The following HIVEP3 variants were observed in gnomAD, a reference collection of about 807,000 sequenced individuals.
HIVEP3 encodes the protein HIVEP zinc finger 3, also known as transcription factor HIVEP3.
In HIVEP3, 49 loss-of-function variants were observed where a neutral mutation model predicts 152.8. The ratio of observed to expected loss-of-function variants is 0.32; its 90% CI spans 0.26 to 0.41. The LOEUF (loss-of-function observed/expected upper bound fraction) is 0.41, where lower values mean the gene tolerates loss of function less well. HIVEP3 is among the 10% of genes least tolerant of loss of function. HIVEP3 has a pLI of 1.00. For synonymous variants in HIVEP3, 1,269 were observed against 1,289.0 expected, an observed-to-expected ratio of 0.98 and a Z score of 0.33; for missense variants, 2,790 against 3,103.3, an observed-to-expected ratio of 0.90 and a Z score of 2.40.
At chr1:41,521,857 A>G (rs190062643) in intron 6 of HIVEP3, among the ~76,000 whole-genome samples, 29 of 152,254 alleles carry the variant, frequency 1.9e-4, no homozygotes, top group Non-Finnish European at 2.6e-4. Flanking sequence ...GATCGGTGCA[A>G]GGGCCTGGAC....
chr1:41,930,221 T>TA (rs1342996502), intron 1 of HIVEP3, among the ~76,000 whole-genome samples: 1 of 152,178 alleles, frequency 6.6e-6, no homozygotes, highest in Non-Finnish European at 1.5e-5. Context: ...GACAAATACA[T>TA]AGAGTTTTGT....
intron 2 of HIVEP3, among the ~76,000 whole-genome samples, chr1:41,685,526 C>G (rs1430517441): frequency 6.6e-6 from 1 of 152,202 alleles, no homozygotes; most frequent in African/African-American, 2.4e-5. Context: ...GCCACATGGG[C>G]TCCTGGGAGC....
rs1259771450 is a variant in HIVEP3 at position 41,513,722 on chromosome 1, C to T, written c.5499G>A (p.Ser1833=). Residue 1833 remains serine, a synonymous_variant, in exon 8 of 9, where the codon TCG becomes TCA. Transcript: ENST00000372583. ...CAGCCTCTGAACCCTCTCGTCCTTC[C>T]GAGTCCTGGAACAGGTCGTCACTGG... ...EGTSDDLFQD[S]EGREGSEAVE... 4 of 1,588,068 alleles carry T rather than the reference C, an allele frequency of 2.5e-6. No individual in the cohort carries two copies. Among genetic ancestry groups the T allele is most frequent in the East Asian group, 4.5e-5 (2 of 44,712 alleles).
intron 1 of HIVEP3, among the ~76,000 whole-genome samples, chr1:41,830,858 G>A (rs1642944053): frequency 6.6e-6 from 1 of 152,164 alleles, no homozygotes; most frequent in Non-Finnish European, 1.5e-5. Flanking sequence ...GCTGGGAGGT[G>A]GGAGTATGTT....
chr1:41,652,057 G>C (rs1443340061), intron 2 of HIVEP3, among the ~76,000 whole-genome samples: 1 of 152,160 alleles, frequency 6.6e-6, no homozygotes, highest in Non-Finnish European at 1.5e-5. Flanking sequence ...TCACAGCATT[G>C]ACTCAAAGCC....
chr1:41,564,257 C>T lies in HIVEP3; in HGVS notation c.5207+11287G>A, dbSNP rs550796913. On this transcript the variant is annotated intron_variant, in intron 5 of 8. Coordinates refer to ENST00000372583, the MANE Select transcript of HIVEP3 (RefSeq NM_024503.5). ...ATGGATGGAGACAAAAATGGAGGGA[C>T]GTACTCAGAGAATCCAGCAAAAAGG... is the stretch of plus-strand genomic sequence containing the variant. Among the ~76,000 whole-genome samples, 9 of 152,056 alleles carry T rather than the reference C, an allele frequency of 5.9e-5. 1 individual carries two copies. Among genetic ancestry groups the T allele is most frequent in the Admixed American group, 1.3e-4 (2 of 15,260 alleles).
At chr1:41,769,008 C>T (rs779933228) in intron 1 of HIVEP3, among the ~76,000 whole-genome samples, 5 of 152,222 alleles carry the variant, frequency 3.3e-5, no homozygotes, top group African/African-American at 7.2e-5. Context: ...TCTCATGTCC[C>T]TTGTGCTGCA....
chr1:41,529,983 T>C (rs924464157), intron 5 of HIVEP3, among the ~76,000 whole-genome samples: 4 of 109,654 alleles, frequency 3.6e-5, no homozygotes, highest in Non-Finnish European at 7.1e-5. Flanking sequence ...CTCACACCCA[T>C]GCACACACAC....
intron 1 of HIVEP3, among the ~76,000 whole-genome samples, chr1:41,876,488 G>T (rs1030138581): frequency 2.0e-5 from 3 of 152,126 alleles, no homozygotes; most frequent in African/African-American, 7.2e-5. Context: ...AGAATTAAGT[G>T]AATTAATACT....
At chr1:41,681,809 G>T (rs183296679) in intron 2 of HIVEP3, among the ~76,000 whole-genome samples, 2 of 152,280 alleles carry the variant, frequency 1.3e-5, no homozygotes, top group South Asian at 4.1e-4. Flanking sequence ...TTGTGACTAT[G>T]TCCCCTCCTC....
intron 3 of HIVEP3, among the ~76,000 whole-genome samples, chr1:41,607,582 A>G (rs986671981): frequency 6.6e-6 from 1 of 152,122 alleles, no homozygotes; most frequent in Non-Finnish European, 1.5e-5. Flanking sequence ...TTCCTTTGAA[A>G]TAAGCTCTTC....
chr1:41,763,137 A>G (rs1262433523), intron 1 of HIVEP3, among the ~76,000 whole-genome samples: 1 of 152,212 alleles, frequency 6.6e-6, no homozygotes, highest in African/African-American at 2.4e-5. Flanking sequence ...TGCCCATCAA[A>G]TAACAAAGGG....
intron 1 of HIVEP3, among the ~76,000 whole-genome samples, chr1:41,827,863 G>C (rs1226853272): frequency 1.3e-5 from 2 of 151,962 alleles, no homozygotes; most frequent in African/African-American, 2.4e-5. Flanking sequence ...GCAGGGCTTG[G>C]GGGGCATGGG....
At chr1:41,801,594 A>C (rs925467594) in intron 1 of HIVEP3, among the ~76,000 whole-genome samples, 1 of 151,978 alleles carries the variant, frequency 6.6e-6, no homozygotes, top group African/African-American at 2.4e-5. Context: ...GCCCCTAGGG[A>C]ATCAGCTGGG....
chr1:41,832,117 T>C (rs1341763301), intron 1 of HIVEP3, among the ~76,000 whole-genome samples: 2 of 152,220 alleles, frequency 1.3e-5, no homozygotes, highest in Admixed American at 6.5e-5. Flanking sequence ...GTGATGTTGA[T>C]GCTTCTAGCC....
chr1:41,652,698 C>G (rs1046036277), intron 2 of HIVEP3, among the ~76,000 whole-genome samples: 3 of 152,210 alleles, frequency 2.0e-5, no homozygotes, highest in African/African-American at 7.2e-5. Context: ...ACTGACCAGG[C>G]ACACTGACCA....
intron 5 of HIVEP3, among the ~76,000 whole-genome samples, chr1:41,539,501 T>A (rs1174286407): frequency 6.6e-6 from 1 of 152,238 alleles, no homozygotes; most frequent in African/African-American, 2.4e-5. Flanking sequence ...GGGCTGGACC[T>A]AGCCCAGGCC....
intron 1 of HIVEP3, among the ~76,000 whole-genome samples, chr1:41,806,734 C>T (rs138633816): frequency 1.6e-3 from 241 of 152,258 alleles, no homozygotes; most frequent in African/African-American, 5.6e-3. Context: ...GGCGCAGGGC[C>T]GGGGCCAGCG....
At chr1:41,867,434 T>C (rs974761921) in intron 1 of HIVEP3, among the ~76,000 whole-genome samples, 1 of 152,168 alleles carries the variant, frequency 6.6e-6, no homozygotes, top group African/African-American at 2.4e-5. Context: ...AGGCTGCAGT[T>C]TGCAGACCCC....
Sources: gnomAD v4.1 joint callset for allele counts (sites outside exome capture counted in the v4.1 genomes callset) on GRCh38, gnomAD v4.1.1 for gene constraint, MANE v1.5 for transcripts, NCBI Gene and HGNC (gene_info 2026-07-23, HGNC 2026-07-21) for gene names.